Variants in MARCHF11 observed in about 807,000 individuals in gnomAD.
MARCHF11 encodes the protein E3 ubiquitin-protein ligase MARCHF11.
In MARCHF11, 29 loss-of-function variants were observed where a neutral mutation model predicts 37.3. The observed-to-expected ratio is 0.78, with a 90% CI of 0.58 to 1.06. The LOEUF (loss-of-function observed/expected upper bound fraction) is 1.06, where lower values mean the gene tolerates loss of function less well. MARCHF11 is among the 50% of genes least tolerant of loss of function. The pLI is 0.00. For missense variants in MARCHF11, 482 were observed against 533.4 expected (o/e 0.90, Z 0.95); for synonymous variants, 233 against 228.0 (o/e 1.02, Z -0.20).
At chr5:16,093,036 C>T (rs1012624886) in intron 2 of MARCHF11, among the ~76,000 whole-genome samples, 4 of 152,140 alleles carry the variant, frequency 2.6e-5, no homozygotes, top group African/African-American at 9.7e-5. Flanking sequence ...ATCAACCATC[C>T]TAAATGGGCG....
At chr5:16,094,058 AT>A (rs1261860196) in intron 2 of MARCHF11, among the ~76,000 whole-genome samples, 1 of 152,214 alleles carries the variant, frequency 6.6e-6, no homozygotes, top group Non-Finnish European at 1.5e-5. Context: ...AAGACACATC[AT>A]TACTGAAACC....
At chr5:16,165,018 G>A (rs1035969311) in intron 2 of MARCHF11, among the ~76,000 whole-genome samples, 8 of 151,910 alleles carry the variant, frequency 5.3e-5, no homozygotes, top group African/African-American at 1.9e-4. Flanking sequence ...CATCTCCTAC[G>A]CTTCATCACT....
chr5:16,120,198 C>T (rs751026991), intron 2 of MARCHF11, among the ~76,000 whole-genome samples: 9 of 152,226 alleles, frequency 5.9e-5, no homozygotes, highest in Non-Finnish European at 1.2e-4. Flanking sequence ...TACCATGTGC[C>T]AGCCATGGCT....
At chr5:16,107,427 A>C (rs184574332) in intron 2 of MARCHF11, among the ~76,000 whole-genome samples, 1 of 151,974 alleles carries the variant, frequency 6.6e-6, no homozygotes, top group Non-Finnish European at 1.5e-5. Flanking sequence ...AACGTCTTTG[A>C]CAAAAATTTT....
chr5:16,081,060 G>A (rs1422858959), intron 3 of MARCHF11, among the ~76,000 whole-genome samples: 1 of 152,100 alleles, frequency 6.6e-6, no homozygotes, highest in Non-Finnish European at 1.5e-5. Context: ...CTAGGCTTTT[G>A]CCTCTCTCGG....
At chr5:16,150,024 G>A (rs1737866413) in intron 2 of MARCHF11, among the ~76,000 whole-genome samples, 1 of 146,546 alleles carries the variant, frequency 6.8e-6, no homozygotes, top group Non-Finnish European at 1.5e-5. Context: ...TTGTGGGGCT[G>A]TCTACTCGGA....
chr5:16,124,215 T>C (rs1737361798), intron 2 of MARCHF11, among the ~76,000 whole-genome samples: 2 of 151,904 alleles, frequency 1.3e-5, no homozygotes. Context: ...GAAAAAAAGA[T>C]GGAAGAAGAA....
chr5:16,158,908 T>A (rs932261494), intron 2 of MARCHF11, among the ~76,000 whole-genome samples: 1 of 151,820 alleles, frequency 6.6e-6, no homozygotes, highest in Non-Finnish European at 1.5e-5. Flanking sequence ...CCTGTGTCCA[T>A]CCATGTGTTC....
intron 3 of MARCHF11, among the ~76,000 whole-genome samples, chr5:16,073,614 T>C (rs2126544546): frequency 6.7e-6 from 1 of 149,574 alleles, no homozygotes; most frequent in East Asian, 1.9e-4. Flanking sequence ...TAATAATATA[T>C]ATAGAACTAT....
intron 3 of MARCHF11, among the ~76,000 whole-genome samples, chr5:16,073,500 T>C (rs1282732317): frequency 6.6e-6 from 1 of 152,044 alleles, no homozygotes; most frequent in Non-Finnish European, 1.5e-5. Flanking sequence ...GTTACTTCTG[T>C]AGGTACTGAA....
chr5:16,130,525 C>T (rs573279330), intron 2 of MARCHF11, among the ~76,000 whole-genome samples: 34 of 152,116 alleles, frequency 2.2e-4, no homozygotes, highest in African/African-American at 7.7e-4. Flanking sequence ...CAGGGTGCTA[C>T]TAAATAGAGA....
At chr5:16,078,728 G>A (rs371656938) in intron 3 of MARCHF11, among the ~76,000 whole-genome samples, 4 of 152,250 alleles carry the variant, frequency 2.6e-5, no homozygotes, top group East Asian at 1.9e-4. Context: ...GTGAGGGATG[G>A]GGACAGGTGG....
intron 3 of MARCHF11, among the ~76,000 whole-genome samples, chr5:16,083,872 T>TA (rs561102962): frequency 1.1e-4 from 16 of 152,204 alleles, no homozygotes; most frequent in Non-Finnish European, 2.2e-4. Context: ...GACGATGACC[T>TA]AAAGGCATCA....
intron 2 of MARCHF11, among the ~76,000 whole-genome samples, chr5:16,157,252 A>G (rs2126601942): frequency 6.6e-6 from 1 of 152,054 alleles, no homozygotes; most frequent in East Asian, 1.9e-4. Flanking sequence ...TAATATTGTT[A>G]AAATGTCCAT....
At chr5:16,128,470 G>A (rs1006504885) in intron 2 of MARCHF11, among the ~76,000 whole-genome samples, 1 of 152,180 alleles carries the variant, frequency 6.6e-6, no homozygotes, top group African/African-American at 2.4e-5. Context: ...TATGCCCAAA[G>A]CCACTGAGAT....
At chr5:16,131,662 G>A (rs1043308926) in intron 2 of MARCHF11, among the ~76,000 whole-genome samples, 13 of 152,140 alleles carry the variant, frequency 8.5e-5, no homozygotes, top group Non-Finnish European at 1.3e-4. Context: ...CTGGGATTCG[G>A]TTTCCTCTGA....
Position 16,179,192 on chromosome 5 carries a change from G to C in MARCHF11, c.384C>G (p.Gly128=). 1 of 1,341,480 alleles carries C rather than the reference G, an allele frequency of 7.5e-7. No homozygotes were observed. Among genetic ancestry groups the C allele is most frequent in the Non-Finnish European group, 9.5e-7 (1 of 1,054,516 alleles). 83.1% of individuals were successfully genotyped at this position (1,341,480 alleles called of 1,614,324 possible). A position where few individuals can be genotyped will look rare whatever the true frequency, so the allele number is the denominator to read the frequency against. The change falls in exon 1 of 4, where the codon GGC becomes GGG. Residue 128 remains glycine, a synonymous_variant. Transcript: ENST00000332432. ...GPGESEAGAG[G]ERERRGAGDQ... ...CTCCGGCGCCCCGCCGCTCGCGCTC[G>C]CCGCCCGCGCCGGCCTCAGACTCCC...
At position 16,179,538 on chromosome 5, in the gene MARCHF11, C is replaced by G; in HGVS notation, c.38G>C (p.Arg13Pro). 8.4e-7 allele frequency: 1 copy of G among 1,185,362 alleles called. No homozygotes were observed. 73.4% of individuals were successfully genotyped at this position (1,185,362 alleles called of 1,614,324 possible). ...CTCGGCGTCCCCGCTCTCCGCCCCG[C>G]GACACCGACTGCCGCCGTGGCCGCC... Reference protein sequence around the residue: ...FEGGHGGSRCRGAESGDAEPP... With the variant: ...FEGGHGGSRCPGAESGDAEPP... The change falls in exon 1 of 4, where the codon CGC (arginine) becomes CCC (proline). Residue 13 changes from arginine to proline, a missense_variant. Physicochemically the swap from Arg to Pro is moderately radical, Grantham distance 103. Transcript: ENST00000332432.
At chr5:16,094,648 T>C (rs939110380) in intron 2 of MARCHF11, among the ~76,000 whole-genome samples, 2 of 152,192 alleles carry the variant, frequency 1.3e-5, no homozygotes, top group Non-Finnish European at 2.9e-5. Context: ...TCCGTAATAG[T>C]TGAATATGTG....
Sources: allele counts gnomAD v4.1 joint callset (sites outside exome capture counted in the v4.1 genomes callset), GRCh38; gene constraint gnomAD v4.1.1; transcripts MANE v1.5; gene names NCBI Gene and HGNC (gene_info 2026-07-23, HGNC 2026-07-21).